PCBP3: variants seen among roughly 807,000 people sequenced by gnomAD.
The protein encoded by PCBP3 is poly(rC) binding protein 3, also known as poly(rC)-binding protein 3.
PCBP3 carries 25 observed loss-of-function variants against 52.7 expected under a neutral mutation model. That is an observed-to-expected ratio of 0.47 (90% CI 0.35 to 0.66). The LOEUF (loss-of-function observed/expected upper bound fraction) is 0.66, where lower values mean the gene tolerates loss of function less well. Ranked by LOEUF, PCBP3 falls within the 30% of genes least tolerant of loss-of-function variation. PCBP3 has a pLI of 0.01. For synonymous variants in PCBP3, 162 were observed against 183.0 expected, an observed-to-expected ratio of 0.89 and a Z score of 0.93; for missense variants, 391 against 490.3, an observed-to-expected ratio of 0.80 and a Z score of 1.91.
At chr21:45,885,190 C>T (rs1190566577) in intron 5 of PCBP3, among the ~76,000 whole-genome samples, 1 of 152,162 alleles carries the variant, frequency 6.6e-6, no homozygotes, top group Non-Finnish European at 1.5e-5. Flanking sequence ...CACTTCTGTC[C>T]TTTTCAGCAC....
intron 6 of PCBP3, among the ~76,000 whole-genome samples, chr21:45,897,374 A>G (rs2095860180): frequency 6.6e-6 from 1 of 152,184 alleles, no homozygotes; most frequent in African/African-American, 2.4e-5. Context: ...CTTTCTGCAC[A>G]GCGTGTGTGG....
Position 45,917,596 on chromosome 21 carries a change from A to C in PCBP3, c.684A>C (p.Thr228=), listed in dbSNP as rs773839964. 1 of 1,613,290 alleles carries C rather than the reference A, an allele frequency of 6.2e-7. No homozygotes were observed. The highest frequency in any genetic ancestry group is 2.2e-5 in the East Asian group (1 of 44,858). The change falls in exon 13 of 18, where the codon ACA becomes ACC. Residue 228 remains threonine, a synonymous_variant. Coordinates refer to ENST00000681687, the MANE Select transcript of PCBP3 (RefSeq NM_001384156.1). This position sits in a 1 kb window ranked among gnomAD's most constrained non-coding sequence, Gnocchi z 5.3. The part of the protein sequence containing the change: ...PVIFAGGQAY[T]IQGQYAIPHP... ...TCTCTCTCTCTCTCTAGGCCTACAC[A>C]ATCCAGGGACAGTATGCCATCCCTC...
At chr21:45,918,053 T>G in intron 13 of PCBP3, 1 of 270,074 alleles carries the variant, frequency 3.7e-6, no homozygotes, top group Non-Finnish European at 7.2e-6. Context: ...TTTGAGGGCC[T>G]GGTGAAATTA....
intron 3 of PCBP3, among the ~76,000 whole-genome samples, chr21:45,747,387 C>T (rs767763014): frequency 3.9e-5 from 6 of 152,212 alleles, no homozygotes; most frequent in Admixed American, 1.3e-4. Context: ...CAAAGCCCAC[C>T]GGGCATCCTT....
At position 45,735,477 on chromosome 21, in the gene PCBP3, A is replaced by G. The variant is rs1424432986; in HGVS notation, c.-162+48A>G. The G allele has an allele frequency of 1.3e-5, 2 of 152,224 alleles. No individual in the cohort carries two copies. The highest frequency in any genetic ancestry group is 2.9e-5 in the Non-Finnish European group (2 of 68,038). 9.4% of individuals were successfully genotyped at this position (152,224 alleles called of 1,614,324 possible). On this transcript the variant is annotated intron_variant, in intron 3 of 17. Coordinates refer to ENST00000681687, the MANE Select transcript of PCBP3 (RefSeq NM_001384156.1). This position sits in a 1 kb window ranked among gnomAD's most constrained non-coding sequence, Gnocchi z 4.0. ...CTGTCACAGGCGATATTTTTAGACTAAACGACTCTTTCGGTGTCAGCAGAG... is the reference window on the plus strand; with the variant it reads ...CTGTCACAGGCGATATTTTTAGACTGAACGACTCTTTCGGTGTCAGCAGAG...
intron 4 of PCBP3, among the ~76,000 whole-genome samples, chr21:45,780,209 A>G (rs775078551): frequency 4.6e-5 from 7 of 152,244 alleles, no homozygotes; most frequent in African/African-American, 7.2e-5. Context: ...GCGTGAGGCA[A>G]TGTTTTCCTA....
chr21:45,709,328 G>A (rs2083670978), intron 2 of PCBP3, among the ~76,000 whole-genome samples: 2 of 152,136 alleles, frequency 1.3e-5, no homozygotes, highest in Non-Finnish European at 2.9e-5. Context: ...CTTAGTCAGA[G>A]GAGAAACACT....
chr21:45,717,528 G>C (rs2084308326), intron 2 of PCBP3, among the ~76,000 whole-genome samples: 1 of 151,918 alleles, frequency 6.6e-6, no homozygotes, highest in African/African-American at 2.4e-5. Flanking sequence ...GTTTTTTTGA[G>C]TGTTTTTATC....
chr21:45,648,727 A>T (rs1374688115), intron 1 of PCBP3, among the ~76,000 whole-genome samples: 2 of 152,240 alleles, frequency 1.3e-5, no homozygotes, highest in Non-Finnish European at 2.9e-5. Context: ...TGTTTTAATT[A>T]GCATTTCCTT....
At chr21:45,705,923 C>T (rs953713202) in intron 2 of PCBP3, among the ~76,000 whole-genome samples, 3 of 152,184 alleles carry the variant, frequency 2.0e-5, no homozygotes, top group African/African-American at 4.8e-5. Context: ...GCACAGAGCA[C>T]GTCCCTTGTT....
chr21:45,729,278 C>T (rs1043827699), intron 2 of PCBP3, among the ~76,000 whole-genome samples: 6 of 152,184 alleles, frequency 3.9e-5, no homozygotes, highest in African/African-American at 1.4e-4. Flanking sequence ...CCACTGATGC[C>T]TGTACCAGAT....
chr21:45,927,674 G>A (rs1218802899), intron 13 of PCBP3, among the ~76,000 whole-genome samples: 2 of 151,906 alleles, frequency 1.3e-5, no homozygotes, highest in Non-Finnish European at 2.9e-5. Flanking sequence ...AGAGAGATTT[G>A]TTTGCTAGTG....
chr21:45,743,416 T>C (rs1264850077), intron 3 of PCBP3, among the ~76,000 whole-genome samples: 8 of 152,178 alleles, frequency 5.3e-5, no homozygotes, highest in Non-Finnish European at 2.9e-5. Flanking sequence ...AAGTTACGTG[T>C]TTTTTAAAAT....
intron 5 of PCBP3, among the ~76,000 whole-genome samples, chr21:45,886,874 G>A (rs139170835): frequency 1.3e-5 from 2 of 152,294 alleles, no homozygotes; most frequent in African/African-American, 2.4e-5. Context: ...CATGGGGTTC[G>A]GGAGCCTCTT....
intron 2 of PCBP3, among the ~76,000 whole-genome samples, chr21:45,686,935 A>G (rs2082188384): frequency 6.6e-6 from 1 of 152,152 alleles, no homozygotes; most frequent in African/African-American, 2.4e-5. Context: ...AGAGGAGGAG[A>G]AGAAGGTGTG....
chr21:45,733,782 A>G (rs9976200), intron 2 of PCBP3, among the ~76,000 whole-genome samples: 36,081 of 151,828 alleles, frequency 0.24, 5,221 homozygotes, highest in African/African-American at 0.4. Context: ...TGTATTTTTA[A>G]TAGAGATGGG....
At chr21:45,709,516 T>A (rs1002717792) in intron 2 of PCBP3, among the ~76,000 whole-genome samples, 2 of 152,212 alleles carry the variant, frequency 1.3e-5, no homozygotes, top group Non-Finnish European at 2.9e-5. Flanking sequence ...CCGTGAGAGC[T>A]GCTGTTTTCC....
At chr21:45,884,664 C>A (rs1024414237) in intron 5 of PCBP3, among the ~76,000 whole-genome samples, 1 of 151,988 alleles carries the variant, frequency 6.6e-6, no homozygotes, top group Non-Finnish European at 1.5e-5. Flanking sequence ...AGGCTCCAGC[C>A]GTCCTCCCAC....
chr21:45,825,866 TG>T lies in PCBP3; in HGVS notation c.-125-24093del, dbSNP rs1444060682. On this transcript the variant is annotated intron_variant, in intron 4 of 17. Coordinates refer to ENST00000681687, the MANE Select transcript of PCBP3 (RefSeq NM_001384156.1). ...GAGGGATTCAGTGCATACAGTGACA[TG>T]GAAATAAATCCAAATGACTTTTTCC... Among the ~76,000 whole-genome samples the T allele has an allele frequency of 7.9e-5, 12 of 152,266 alleles. No homozygotes were observed. The East Asian group carries it at 1.5e-3, about 20-fold the overall frequency.
Sources: gnomAD v4.1 joint callset for allele counts (sites outside exome capture counted in the v4.1 genomes callset) on GRCh38, gnomAD v4.1.1 for gene constraint, Gnocchi (gnomAD v3.1) non-coding constraint, MANE v1.5 for transcripts, NCBI Gene and HGNC (gene_info 2026-07-23, HGNC 2026-07-21) for gene names.